The following MTUS2 variants were observed in gnomAD, a reference collection of about 807,000 sequenced individuals.
MTUS2 encodes microtubule-associated tumor suppressor candidate 2.
In MTUS2, 40 loss-of-function variants were observed where a neutral mutation model predicts 114.1. That is an observed-to-expected ratio of 0.35 (90% CI 0.27 to 0.46). The LOEUF (loss-of-function observed/expected upper bound fraction) is 0.46. Ranked by LOEUF, MTUS2 falls within the 20% of genes least tolerant of loss-of-function variation. The pLI is 1.00. For missense variants in MTUS2, 1,679 were observed against 1,705.4 expected (o/e 0.98, Z 0.27); for synonymous variants, 688 against 672.0 (o/e 1.02, Z -0.37).
chr13:28,834,896 A>G (rs1033774532), intron 1 of MTUS2, among the ~76,000 whole-genome samples: 10 of 152,320 alleles, frequency 6.6e-5, no homozygotes, highest in South Asian at 2.1e-4. Flanking sequence ...CATTTTTCCA[A>G]AGAAGATATA....
At chr13:29,473,727 A>T (rs1880488133) in intron 9 of MTUS2, among the ~76,000 whole-genome samples, 2 of 152,220 alleles carry the variant, frequency 1.3e-5, no homozygotes. Context: ...ATGCTTATAA[A>T]TTAGAAATGA....
At chr13:29,010,980 A>G (rs1885815443) in intron 2 of MTUS2, among the ~76,000 whole-genome samples, 1 of 152,130 alleles carries the variant, frequency 6.6e-6, no homozygotes, top group Non-Finnish European at 1.5e-5. Flanking sequence ...CACCTGCCAG[A>G]GAGGACGCGT....
chr13:29,081,942 C>T (rs1336189633), intron 4 of MTUS2, among the ~76,000 whole-genome samples: 1 of 152,124 alleles, frequency 6.6e-6, no homozygotes, highest in Non-Finnish European at 1.5e-5. Flanking sequence ...TCCAGTGTTA[C>T]ACGACTGCCT....
At chr13:28,907,922 C>G (rs1237644541) in intron 2 of MTUS2, among the ~76,000 whole-genome samples, 3 of 151,518 alleles carry the variant, frequency 2.0e-5, no homozygotes, top group African/African-American at 7.3e-5. Flanking sequence ...TCCATGGTTT[C>G]AGGTGAGTAA....
At chr13:29,196,652 A>G (rs1310506015) in intron 5 of MTUS2, among the ~76,000 whole-genome samples, 3 of 152,126 alleles carry the variant, frequency 2.0e-5, no homozygotes, top group African/African-American at 7.2e-5. Flanking sequence ...GGCAACCACC[A>G]TGCTACTATG....
chr13:29,088,208 A>G (rs1214136115), intron 4 of MTUS2, among the ~76,000 whole-genome samples: 1 of 151,604 alleles, frequency 6.6e-6, no homozygotes, highest in Non-Finnish European at 1.5e-5. Context: ...AGACTTTTTT[A>G]TTTGTGCTTT....
At chr13:29,325,267 C>T (rs1900432604) in intron 7 of MTUS2, among the ~76,000 whole-genome samples, 1 of 151,978 alleles carries the variant, frequency 6.6e-6, no homozygotes, top group Non-Finnish European at 1.5e-5. Context: ...ACCAGCCTAG[C>T]CAATATAGCG....
At chr13:29,118,150 C>T (rs1414838511) in intron 5 of MTUS2, among the ~76,000 whole-genome samples, 1 of 152,008 alleles carries the variant, frequency 6.6e-6, no homozygotes, top group South Asian at 2.1e-4. Context: ...TGAGAGAGTC[C>T]TGTGTATCTC....
At chr13:29,188,650 C>T (rs772254822) in intron 5 of MTUS2, among the ~76,000 whole-genome samples, 4 of 152,220 alleles carry the variant, frequency 2.6e-5, no homozygotes, top group Non-Finnish European at 5.9e-5. Context: ...TGCTGTGCTT[C>T]AGGGATCTCT....
At chr13:29,085,703 G>T (rs952749765) in intron 4 of MTUS2, among the ~76,000 whole-genome samples, 1 of 152,154 alleles carries the variant, frequency 6.6e-6, no homozygotes, top group African/African-American at 2.4e-5. Flanking sequence ...TGGGCACCTA[G>T]GTTGATTTCA....
At chr13:29,324,456 A>T (rs3751338) in intron 6 of MTUS2, among the ~76,000 whole-genome samples, 157 bp from the exon 7 acceptor site, 82,450 of 152,078 alleles carry the variant, frequency 0.54, 25,602 homozygotes, top group East Asian at 0.76. Context: ...GTCATTCATC[A>T]AGCACAGGGG....
At chr13:29,163,951 A>T (rs1893207555) in intron 5 of MTUS2, among the ~76,000 whole-genome samples, 1 of 152,138 alleles carries the variant, frequency 6.6e-6, no homozygotes, top group African/African-American at 2.4e-5. Context: ...GCTTGCCCAC[A>T]GCTCGAGCGC....
At chr13:29,375,581 AT>A (rs1566163503) in intron 8 of MTUS2, among the ~76,000 whole-genome samples, 2 of 5,236 alleles carry the variant, frequency 3.8e-4, no homozygotes, top group African/African-American at 5.1e-4. Flanking sequence ...ATACATATAT[AT>A]ATATACGTAT....
intron 2 of MTUS2, among the ~76,000 whole-genome samples, chr13:28,990,204 C>T (rs574889458): frequency 7.9e-5 from 12 of 152,242 alleles, no homozygotes; most frequent in East Asian, 1.9e-4. Flanking sequence ...CCTGGGACTT[C>T]GGAAGGAGCT....
At position 29,178,325 on chromosome 13, in the gene MTUS2, C is replaced by T. The variant is rs77571049; in HGVS notation, c.2644+77355C>T. On this transcript the variant is annotated intron_variant, in intron 5 of 15. Transcript: ENST00000612955. ...CCCTACTTTCCCAAACGACCCATTG[C>T]TTTTTTTTTCTCCCCAGATTTAAAG... Among the ~76,000 whole-genome samples the T allele has an allele frequency of 3.0e-3, 455 of 151,426 alleles. 4 individuals carry two copies. The highest frequency in any genetic ancestry group is 9.3e-3 in the African/African-American group (382 of 41,292).
chr13:28,907,088 G>A (rs1194540087), intron 2 of MTUS2, among the ~76,000 whole-genome samples: 1 of 151,370 alleles, frequency 6.6e-6, no homozygotes, highest in Non-Finnish European at 1.5e-5. Flanking sequence ...AGAGAGTGGG[G>A]GCCAGTATTC....
chr13:29,453,081 C>T (rs1878844557), intron 9 of MTUS2, among the ~76,000 whole-genome samples: 1 of 152,162 alleles, frequency 6.6e-6, no homozygotes, highest in Non-Finnish European at 1.5e-5. Context: ...TTAAGAAGAA[C>T]AGAGCTGCAT....
intron 4 of MTUS2, among the ~76,000 whole-genome samples, chr13:29,045,457 T>C (rs909011327): frequency 2.0e-5 from 3 of 152,172 alleles, no homozygotes; most frequent in African/African-American, 7.2e-5. Flanking sequence ...ACAGATGTCA[T>C]CCCATTGGGA....
intron 11 of MTUS2, among the ~76,000 whole-genome samples, chr13:29,491,724 TGTGTGTG>T (rs950207320): frequency 1.8e-4 from 11 of 61,916 alleles, no homozygotes; most frequent in Admixed American, 1.6e-3. Context: ...GTGTGGTAGG[TGTGTGTG>T]GGGCGTGTGG....
Sources: gnomAD v4.1 joint callset for allele counts (sites outside exome capture counted in the v4.1 genomes callset) on GRCh38, gnomAD v4.1.1 for gene constraint, MANE v1.5 for transcripts, NCBI Gene and HGNC (gene_info 2026-07-23, HGNC 2026-07-21) for gene names.